TET1: variants seen among roughly 807,000 people sequenced by gnomAD.
TET1 encodes the protein tet methylcytosine dioxygenase 1.
TET1 carries 13 observed loss-of-function variants against 148.7 expected under a neutral mutation model. The ratio of observed to expected loss-of-function variants is 0.09; its 90% CI spans 0.06 to 0.14. TET1 has a LOEUF of 0.14. TET1 is among the 10% of genes least tolerant of loss of function. TET1 has a pLI of 1.00. For missense variants in TET1, 2,182 were observed against 2,553.8 expected (o/e 0.85, Z 3.14); for synonymous variants, 907 against 937.2 (o/e 0.97, Z 0.59).
chr10:68,624,869 C>A (rs894103557), intron 3 of TET1, among the ~76,000 whole-genome samples: 2 of 151,340 alleles, frequency 1.3e-5, no homozygotes, highest in African/African-American at 4.9e-5. Context: ...GTAGCTGGGA[C>A]TACAGGAGTC....
Position 68,646,300 on chromosome 10 carries a change from A to G in TET1, c.3571A>G (p.Ile1191Val). 4 of 1,614,174 alleles carry G rather than the reference A, an allele frequency of 2.5e-6. No individual in the cohort carries two copies. The highest frequency in any genetic ancestry group is 2.5e-6 in the Non-Finnish European group (3 of 1,180,026). Residue 1191 changes from isoleucine to valine, a missense_variant, in exon 4 of 12, where the codon ATA becomes GTA. Ile to Val is a conservative substitution (Grantham distance 29). Around this residue, in one of 11 missense-constraint regions of TET1, gnomAD observed 582 missense variants for 599.5 expected, o/e 0.97. Transcript: ENST00000373644. ...YMYGTICDIW[I>V]ASKFQNFGQF... ...GTATGGCACAATATGCGACATTTGGATAGCATCGAAATTTCAAAATTTTGG... is the reference window on the plus strand; with the variant it reads ...GTATGGCACAATATGCGACATTTGGGTAGCATCGAAATTTCAAAATTTTGG...
At chr10:68,663,989 A>G (rs1448947477) in intron 6 of TET1, among the ~76,000 whole-genome samples, 2 of 150,404 alleles carry the variant, frequency 1.3e-5, no homozygotes, top group African/African-American at 5.0e-5. Context: ...TCTTCTCTCC[A>G]CCAACGTAGG....
intron 2 of TET1, among the ~76,000 whole-genome samples, chr10:68,586,492 T>TGTTTTG (rs2053863344): frequency 6.7e-6 from 1 of 150,172 alleles, no homozygotes; most frequent in African/African-American, 2.5e-5. Context: ...AACGTTTTTT[T>TGTTTTG]TTTTTTTTTA....
rs768683199 is a variant in TET1 at position 68,646,975 on chromosome 10, G to T, written c.4246G>T (p.Asp1416Tyr). The change falls in exon 4 of 12, where the codon GAT becomes TAT. Residue 1416 changes from aspartate to tyrosine, a missense_variant. This residue lies in a region of TET1 where 169 missense variants were observed against 263.7 expected (regional missense o/e 0.64). Coordinates refer to ENST00000373644, the MANE Select transcript of TET1 (RefSeq NM_030625.3). ...PTKNLVSITKDSELPTCSCLD... is the reference protein window; with the variant it reads ...PTKNLVSITKYSELPTCSCLD... ...AAAAAACCTAGTGTCTATAACTAAA[G>T]ATTCTGAACTGCCCACCTGCAGCTG... 2 of 1,613,308 alleles carry T rather than the reference G, an allele frequency of 1.2e-6. No individual in the cohort carries two copies. The highest frequency in any genetic ancestry group is 1.1e-5 in the South Asian group (1 of 90,998).
At chr10:68,622,255 T>G in intron 3 of TET1, among the ~76,000 whole-genome samples, 1 of 129,748 alleles carries the variant, frequency 7.7e-6, no homozygotes, top group Admixed American at 7.9e-5. Flanking sequence ...CCCTCCCTCC[T>G]TCCCTCTCTC....
At chr10:68,568,293 G>A (rs1056123804) in intron 1 of TET1, among the ~76,000 whole-genome samples, 12 of 143,872 alleles carry the variant, frequency 8.3e-5, no homozygotes, top group Non-Finnish European at 3.0e-5. Context: ...TGCGATCTTG[G>A]CTCCCTGCAA....
Position 68,652,550 on chromosome 10 carries a change from G to A in TET1, c.4417G>A (p.Gly1473Ser), listed in dbSNP as rs771994540. The change falls in exon 6 of 12, where the codon GGT becomes AGT. Residue 1473 changes from glycine to serine, a missense_variant. Transcript: ENST00000373644. ...AIRIEIVVYTGKEGKSSHGCP... is the reference protein window; with the variant it reads ...AIRIEIVVYTSKEGKSSHGCP... ...AAGGATAGAAATAGTAGTGTACACCGGTAAAGAAGGGAAAAGCTCTCATGG... is the reference window on the plus strand; with the variant it reads ...AAGGATAGAAATAGTAGTGTACACCAGTAAAGAAGGGAAAAGCTCTCATGG... 49 of 1,612,716 alleles carry A rather than the reference G, an allele frequency of 3.0e-5. No individual in the cohort carries two copies. Among genetic ancestry groups the A allele is most frequent in the African/African-American group, 1.2e-4 (9 of 74,884 alleles).
chr10:68,660,088 C>CATGT (rs1238870243), intron 6 of TET1, among the ~76,000 whole-genome samples: 2 of 152,136 alleles, frequency 1.3e-5, no homozygotes, highest in South Asian at 4.1e-4. Flanking sequence ...ATACCCGCTA[C>CATGT]ACTTGACATG....
chr10:68,641,471 C>CATTT (rs35059085), intron 3 of TET1, among the ~76,000 whole-genome samples: 2,764 of 148,324 alleles, frequency 0.019, 87 homozygotes, highest in South Asian at 0.062. Flanking sequence ...AGGAGGTTAC[C>CATTT]ATTTATTTAT....
intron 3 of TET1, among the ~76,000 whole-genome samples, chr10:68,607,914 T>TG (rs2054148552): frequency 6.6e-6 from 1 of 150,862 alleles, no homozygotes; most frequent in Non-Finnish European, 1.5e-5. Context: ...CAAGAGAACG[T>TG]GGGTAACAGA....
intron 6 of TET1, among the ~76,000 whole-genome samples, chr10:68,658,199 T>C (rs1410464218): frequency 2.0e-5 from 3 of 152,094 alleles, no homozygotes; most frequent in Admixed American, 1.3e-4. Context: ...CCCCTCACCT[T>C]TTTTTTAAGT....
chr10:68,569,465 C>A (rs753064341), intron 1 of TET1, among the ~76,000 whole-genome samples: 1 of 152,110 alleles, frequency 6.6e-6, no homozygotes, highest in Admixed American at 6.5e-5. Context: ...TGAATCACCA[C>A]GCCTGGCCAG....
chr10:68,681,546 G>T (rs1564508861), intron 9 of TET1, 58 bp downstream of exon 9: 5 of 1,228,662 alleles, frequency 4.1e-6, no homozygotes, highest in Non-Finnish European at 5.9e-6. Context: ...GTCTTGCTTT[G>T]TTGCCCAGGC....
At chr10:68,657,586 T>C (rs1464704672) in intron 6 of TET1, among the ~76,000 whole-genome samples, 1 of 152,190 alleles carries the variant, frequency 6.6e-6, no homozygotes, top group Non-Finnish European at 1.5e-5. Context: ...TGAGCCATTA[T>C]TGGGCCACTA....
intron 3 of TET1, chr10:68,632,807 C>T: frequency 1.2e-6 from 1 of 811,334 alleles, no homozygotes; most frequent in Middle Eastern, 2.4e-4. Context: ...GCAATAAGCT[C>T]TCAATCAAGT....
At chr10:68,578,818 G>A (rs10998299) in intron 2 of TET1, among the ~76,000 whole-genome samples, 45,016 of 151,796 alleles carry the variant, frequency 0.3, 7,815 homozygotes, top group Middle Eastern at 0.43. Flanking sequence ...TGCTGGGATT[G>A]TAGGCATGAG....
chr10:68,633,248 G>A (rs901740593), intron 3 of TET1, among the ~76,000 whole-genome samples: 2 of 152,114 alleles, frequency 1.3e-5, no homozygotes, highest in African/African-American at 4.8e-5. Flanking sequence ...AGCCTTTACA[G>A]TATGAGTGAA....
At chr10:68,641,497 T>A (rs969869254) in intron 3 of TET1, among the ~76,000 whole-genome samples, 2 of 124,958 alleles carry the variant, frequency 1.6e-5, no homozygotes, top group Non-Finnish European at 3.5e-5. Context: ...TATTTATTTA[T>A]TTAATTTTAT....
In TET1 at chr10:68,592,375, A is replaced by G. The variant is rs187891464; in HGVS notation, c.1915-8606A>G. Among the ~76,000 whole-genome samples the G allele has an allele frequency of 2.3e-3, 348 of 152,290 alleles. 3 individuals are homozygous for G. Among genetic ancestry groups the G allele is most frequent in the African/African-American group, 7.7e-3 (320 of 41,572 alleles). ...AGAGTTTCAGGTCTGGGACAAACCAATCACCTCTCTTTAGTTCTCCCCTTG... is the reference window on the plus strand; with the variant it reads ...AGAGTTTCAGGTCTGGGACAAACCAGTCACCTCTCTTTAGTTCTCCCCTTG... On this transcript the variant is annotated intron_variant, in intron 2 of 11. Transcript: ENST00000373644.
Sources: allele counts gnomAD v4.1 joint callset (sites outside exome capture counted in the v4.1 genomes callset), GRCh38; gene constraint gnomAD v4.1.1; regional missense constraint gnomAD v4.1.1; transcripts MANE v1.5; gene names NCBI Gene and HGNC (gene_info 2026-07-23, HGNC 2026-07-21).